Variants in APOL4 observed in about 807,000 individuals in gnomAD.
The protein encoded by APOL4 is apolipoprotein L, 4.
In APOL4, 14 loss-of-function variants were observed where a neutral mutation model predicts 12.1. That is an observed-to-expected ratio of 1.16 (90% CI 0.76 to 1.81). The LOEUF (loss-of-function observed/expected upper bound fraction) is 1.81. Among genes scored for constraint, APOL4 ranks in the 40% most tolerant of loss-of-function variants. The pLI is 0.00. For missense variants in APOL4, 432 were observed against 423.1 expected (o/e 1.02, Z -0.18); for synonymous variants, 171 against 160.6 (o/e 1.06, Z -0.49).
At chr22:36,191,980 T>C in intron 3 of APOL4, 68 bp from the exon 4 acceptor site, 4 of 1,284,560 alleles carry the variant, frequency 3.1e-6, no homozygotes, top group Admixed American at 4.5e-5. Flanking sequence ...CTCAATAAGA[T>C]CTATTCTGCA....
upstream of APOL4, among the ~76,000 whole-genome samples, chr22:36,202,601 C>T (rs542003673): frequency 6.1e-4 from 93 of 152,138 alleles, 1 homozygote; most frequent in Admixed American, 4.4e-3. Context: ...TGGCGGGCGC[C>T]TGTAGTCCCA....
At chr22:36,193,068 C>A (rs1313021506) in intron 3 of APOL4, among the ~76,000 whole-genome samples, 1 of 152,204 alleles carries the variant, frequency 6.6e-6, no homozygotes. Flanking sequence ...TAGAGAGGAT[C>A]CCCCCAGCTT....
intron 2 of APOL4, chr22:36,197,738 C>T: frequency 6.4e-7 from 1 of 1,550,536 alleles, no homozygotes; most frequent in Non-Finnish European, 8.7e-7. Context: ...ACAGAAAGAA[C>T]AAGAACTCCA....
chr22:36,199,275 C>A, intron 2 of APOL4, 55 bp downstream of exon 2: 1 of 1,608,996 alleles, frequency 6.2e-7, no homozygotes, highest in Non-Finnish European at 8.5e-7. Context: ...TGGGTAGGAA[C>A]CAGCCAGGGA....
upstream of APOL4, among the ~76,000 whole-genome samples, chr22:36,204,050 G>A (rs1192869328): frequency 6.6e-6 from 1 of 152,148 alleles, no homozygotes; most frequent in Non-Finnish European, 1.5e-5. Flanking sequence ...TCCTGACACT[G>A]GACCCTGGGC....
At chr22:36,202,107 C>T, upstream of APOL4, 1 of 1,610,066 alleles carries the variant, frequency 6.2e-7, no homozygotes, top group Non-Finnish European at 8.5e-7. Context: ...GAGAAATCAC[C>T]ATTTTCATTT....
Position 36,191,901 on chromosome 22 carries a change from T to A in APOL4, c.221A>T (p.Asp74Val), listed in dbSNP as rs1329811478. Reference protein sequence around the residue: ...RVAELPREEADALYEALKNLT... With the variant: ...RVAELPREEAVALYEALKNLT... The stretch of plus-strand genomic sequence containing the variant: ...ATTCTTCAGAGCTTCATAGAGAGCA[T>A]CTGCCTCTTCCCTGTACCAATAAAG... The change falls in exon 4 of 4, where the codon GAT becomes GTT. Residue 74 changes from aspartate to valine, a missense_variant. Physicochemically the swap from Asp to Val is radical, Grantham distance 152. Transcript: ENST00000683024. 1 of 1,599,260 alleles carries A rather than the reference T, an allele frequency of 6.3e-7. No individual in the cohort carries two copies. Among genetic ancestry groups the A allele is most frequent in the Non-Finnish European group, 8.5e-7 (1 of 1,175,912 alleles).
chr22:36,195,289 G>C, intron 3 of APOL4, 22 bp downstream of exon 3: 1 of 1,610,616 alleles, frequency 6.2e-7, no homozygotes. Context: ...GTGCCCCAAG[G>C]AGGTAACCCC....
intron 2 of APOL4, among the ~76,000 whole-genome samples, chr22:36,195,772 TCTCTCACACACACACA>T (rs754685685): frequency 7.8e-5 from 11 of 140,218 alleles, no homozygotes; most frequent in East Asian, 4.2e-4. Flanking sequence ...TCTCTCTCTC[TCTCTCACACACACACA>T]CACACACACA....
At chr22:36,191,963 A>G in intron 3 of APOL4, 51 bp from the exon 4 acceptor site, 1 of 1,409,858 alleles carries the variant, frequency 7.1e-7, no homozygotes, top group South Asian at 1.4e-5. Context: ...CTTACCTGTA[A>G]AATGAGCTCA....
rs2014377121 is a variant in APOL4 at position 36,195,436 on chromosome 22, T to C, written c.84A>G (p.Glu28=). 6.2e-7 allele frequency: 1 copy of C among 1,612,704 alleles called. No homozygotes were observed. The highest frequency in any genetic ancestry group is 8.5e-7 in the Non-Finnish European group (1 of 1,179,410). Reference sequence around the variant, plus strand: ...TGACTTCTTCAGTGAAGCGTTTCTTTTCTAGTTGGAAACAAAAAGGATAAG... The same window carrying C: ...TGACTTCTTCAGTGAAGCGTTTCTTCTCTAGTTGGAAACAAAAAGGATAAG... The part of the protein sequence containing the change: ...PGWTVAGQFQ[E]KKRFTEEVIE... The change falls in exon 3 of 4, where the codon GAA becomes GAG. Residue 28 remains glutamate, a splice_region_variant and synonymous_variant. Transcript: ENST00000683024.
chr22:36,203,625 T>C (rs1342291949), upstream of APOL4, among the ~76,000 whole-genome samples: 2 of 152,152 alleles, frequency 1.3e-5, no homozygotes, highest in South Asian at 2.1e-4. Context: ...GACGTGAAGC[T>C]AGATAACCGG....
chr22:36,200,098 C>T (rs542900546), intron 1 of APOL4, among the ~76,000 whole-genome samples: 165 of 149,494 alleles, frequency 1.1e-3, no homozygotes, highest in African/African-American at 3.8e-3. Context: ...TGAGCGGTCG[C>T]GCCGGGCCTG....
intron 3 of APOL4, among the ~76,000 whole-genome samples, chr22:36,193,354 A>G (rs1345317029): frequency 6.6e-6 from 1 of 152,180 alleles, no homozygotes; most frequent in East Asian, 1.9e-4. Flanking sequence ...AATGTGATTC[A>G]TAGGAATTTT....
chr22:36,202,744 A>AG (rs1569531586), upstream of APOL4, among the ~76,000 whole-genome samples: 1 of 151,532 alleles, frequency 6.6e-6, no homozygotes, highest in Admixed American at 6.6e-5. Context: ...GAAAAAAAAA[A>AG]AAAGAAAAAG....
At chr22:36,201,052 A>G (rs132720) in intron 1 of APOL4, among the ~76,000 whole-genome samples, 73,604 of 150,838 alleles carry the variant, frequency 0.49, 19,016 homozygotes, top group East Asian at 0.9. Flanking sequence ...TTGCTAATGG[A>G]AGACATAAAA....
At chr22:36,195,761 C>T (rs1266859945) in intron 2 of APOL4, among the ~76,000 whole-genome samples, 7 of 114,166 alleles carry the variant, frequency 6.1e-5, no homozygotes, top group Non-Finnish European at 1.1e-4. Context: ...CTCTCTCTCT[C>T]TCTCTCTCTC....
rs1387913967 is a variant in APOL4 at position 36,190,304 on chromosome 22, A to G, written c.*771T>C. ...AGGCAGGGCGAGATCACAGGAACAC[A>G]GGACCGGGGAGAAATTAAAATTGCT... On this transcript the variant is annotated 3_prime_UTR_variant, in exon 4 of 4. Coordinates refer to ENST00000683024, the MANE Select transcript of APOL4 (RefSeq NM_001386885.1). 2.0e-5 allele frequency: 3 copies of G among 152,262 alleles called. No individual in the cohort carries two copies. Among genetic ancestry groups the G allele is most frequent in the African/African-American group, 4.8e-5 (2 of 41,462 alleles). 9.4% of individuals were successfully genotyped at this position (152,262 alleles called of 1,614,324 possible).
At chr22:36,195,219 T>C in intron 3 of APOL4, 92 bp downstream of exon 3, 5 of 1,497,194 alleles carry the variant, frequency 3.3e-6, no homozygotes, top group Non-Finnish European at 4.5e-6. Context: ...GGGGGCTGCC[T>C]GGAGGAGGTG....
Sources: allele counts gnomAD v4.1 joint callset (sites outside exome capture counted in the v4.1 genomes callset), GRCh38; gene constraint gnomAD v4.1.1; transcripts MANE v1.5; gene names NCBI Gene and HGNC (gene_info 2026-07-23, HGNC 2026-07-21).